SSX3: variants seen among roughly 807,000 people sequenced by gnomAD.
SSX3 encodes the protein SSX family member 3.
Under a neutral mutation model 14.8 loss-of-function variants are expected in SSX3, and 6 were observed. The observed-to-expected ratio is 0.41, with a 90% CI of 0.22 to 0.80. The LOEUF (loss-of-function observed/expected upper bound fraction) is 0.80. Among genes scored for constraint, SSX3 ranks in the 30% least tolerant of loss-of-function variants. The pLI is 0.34. For missense variants in SSX3, 163 were observed against 152.2 expected (o/e 1.07, Z -0.37); for synonymous variants, 55 against 52.9 (o/e 1.04, Z -0.18).
At position 48,349,535 on chromosome X, in the gene SSX3, C is replaced by G. The variant is rs371610051; in HGVS notation, c.466+452G>C. 23 of 1,208,217 alleles carry G rather than the reference C, an allele frequency of 1.9e-5. No homozygotes were observed. The Admixed American group carries it at 3.3e-4, about 17-fold the overall frequency. On this transcript the variant is annotated intron_variant, in intron 6 of 7. Coordinates refer to ENST00000298396, the MANE Select transcript of SSX3 (RefSeq NM_021014.4). ...GTCAAACAAAAAACAATGTGTGTGA[C>G]TCACTTTATTGCAGTGGTCTGGAAC...
chrX:48,351,757 C>T (rs782168546), intron 5 of SSX3, among the ~76,000 whole-genome samples: 26 of 112,098 alleles, frequency 2.3e-4, no homozygotes, highest in Non-Finnish European at 4.1e-4. Context: ...TCAGAGAACT[C>T]AGAAGATTTG....
intron 2 of SSX3, 128 bp from the exon 3 acceptor site, chrX:48,354,874 A>C: frequency 8.4e-7 from 1 of 1,196,700 alleles, no homozygotes; most frequent in Non-Finnish European, 1.1e-6. Context: ...TGCCACGGCT[A>C]ACTGACAGAA....
At chrX:48,348,739 A>C (rs1311829629) in intron 6 of SSX3, among the ~76,000 whole-genome samples, 1 of 112,669 alleles carries the variant, frequency 8.9e-6, no homozygotes, top group Non-Finnish European at 1.9e-5. Flanking sequence ...GAACACACGA[A>C]TAAGAAAGCA....
At chrX:48,354,315 C>G (rs1198055515) in intron 3 of SSX3, among the ~76,000 whole-genome samples, 8 of 106,364 alleles carry the variant, frequency 7.5e-5, no homozygotes, top group Non-Finnish European at 1.5e-4. Flanking sequence ...AGAGACAAGC[C>G]GAGAGAAGGT....
intron 6 of SSX3, among the ~76,000 whole-genome samples, chrX:48,348,782 G>C (rs2061249068): frequency 1.8e-5 from 2 of 112,549 alleles, no homozygotes; most frequent in African/African-American, 3.2e-5. Flanking sequence ...GAGAAAGTTT[G>C]AGTGGTCAGG....
intron 2 of SSX3, 189 bp from the exon 3 acceptor site, chrX:48,354,935 C>A (rs1354512924): frequency 1.3e-6 from 1 of 752,138 alleles, no homozygotes; most frequent in African/African-American, 2.3e-5. Flanking sequence ...GGCTTTAATG[C>A]TGCTGGCTGG....
chrX:48,351,246 C>G (rs1411759223), intron 5 of SSX3, among the ~76,000 whole-genome samples: 1 of 111,862 alleles, frequency 8.9e-6, no homozygotes, highest in African/African-American at 3.2e-5. Context: ...AACCCAACTC[C>G]CAGATCCCTT....
intron 5 of SSX3, among the ~76,000 whole-genome samples, chrX:48,350,732 G>A (rs1414992580): frequency 3.6e-5 from 4 of 110,285 alleles, no homozygotes; most frequent in Non-Finnish European, 5.7e-5. Context: ...GTTGCATTGG[G>A]ATGTGTACTG....
At chrX:48,349,867 C>T in intron 6 of SSX3, 120 bp downstream of exon 6, 1 of 1,159,538 alleles carries the variant, frequency 8.6e-7, no homozygotes, top group Non-Finnish European at 1.1e-6. Flanking sequence ...TGGAGCTGGG[C>T]AAGCTCCTCA....
rs782084019 is a variant in SSX3, at chrX:48,355,228, C to T, written c.22G>A (p.Ala8Thr). Residue 8 changes from alanine (A) to threonine (T), a missense_variant, in exon 2 of 8, where the codon GCA becomes ACA. Transcript: ENST00000298396. The stretch of plus-strand genomic sequence containing the variant: ...TGAGCACCAACCGTGGGTCTCCTTG[C>T]AAAGGTGTCATCTCCGTTCATGGCA... MNGDDTF[A>T]RRPTVGAQIP... 1 of 1,211,454 alleles carries T rather than the reference C, an allele frequency of 8.3e-7. No homozygotes were observed. Among genetic ancestry groups the T allele is most frequent in the South Asian group, 1.8e-5 (1 of 56,978 alleles).
chrX:48,348,094 A>G (rs1177921138), intron 6 of SSX3, among the ~76,000 whole-genome samples: 24 of 112,006 alleles, frequency 2.1e-4, no homozygotes, highest in African/African-American at 7.1e-4. Context: ...GTTTTAAAAT[A>G]ATTTTTGTTC....
intron 6 of SSX3, chrX:48,348,285 A>G: frequency 2.1e-6 from 1 of 487,219 alleles, no homozygotes; most frequent in Non-Finnish European, 3.7e-6. Flanking sequence ...CAATTAAGTT[A>G]TTATTGACTA....
At chrX:48,351,989 TG>T (rs1190297852) in intron 5 of SSX3, 110 bp downstream of exon 5, 16 of 973,212 alleles carry the variant, frequency 1.6e-5, no homozygotes, top group Middle Eastern at 5.4e-4. Flanking sequence ...GTGATAGACA[TG>T]GGGAGAAGAA....
Position 48,346,925 on chromosome X carries a change from T to C in SSX3, c.*115A>G. 1 of 1,157,829 alleles carries C rather than the reference T, an allele frequency of 8.6e-7. No individual in the cohort carries two copies. Among genetic ancestry groups the C allele is most frequent in the Non-Finnish European group, 1.2e-6 (1 of 859,391 alleles). On this transcript the variant is annotated 3_prime_UTR_variant, in exon 8 of 8. Coordinates refer to ENST00000298396, the MANE Select transcript of SSX3 (RefSeq NM_021014.4). ...CTCAACTTTTCACTGTTGTGAACAC[T>C]TGCTTTCACTTGCTATGCACCTGAT...
In SSX3 at chrX:48,355,168, T is replaced by C. The variant is rs2061281192; in HGVS notation, c.69+13A>G. The C allele has an allele frequency of 1.9e-5, 23 of 1,210,093 alleles. No individual in the cohort carries two copies. The highest frequency in any genetic ancestry group is 2.6e-5 in the Non-Finnish European group (23 of 893,972). ...CCCTGGGTCACTACTCTGCTCCCTC[T>C]AGGTCACCTCACCTTTTGTATCTTC... On this transcript the variant is annotated intron_variant, in intron 2 of 7. Transcript: ENST00000298396.
intron 5 of SSX3, among the ~76,000 whole-genome samples, chrX:48,350,993 T>C (rs2061260398): frequency 9.1e-6 from 1 of 109,756 alleles, no homozygotes; most frequent in Non-Finnish European, 1.9e-5. Context: ...ATGGTCTCGA[T>C]CTCCTGACCT....
At chrX:48,350,563 A>G (rs1251775188) in intron 5 of SSX3, among the ~76,000 whole-genome samples, 1 of 110,858 alleles carries the variant, frequency 9.0e-6, no homozygotes, top group African/African-American at 3.3e-5. Flanking sequence ...GCTGGGAAAG[A>G]TGGTGTGGGG....
At chrX:48,349,078 A>G (rs2061250433) in intron 6 of SSX3, among the ~76,000 whole-genome samples, 1 of 112,644 alleles carries the variant, frequency 8.9e-6, no homozygotes, top group African/African-American at 3.2e-5. Context: ...ACAGATTTTC[A>G]ATGTAGATAA....
chrX:48,355,387 G>C, intron 1 of SSX3, 118 bp from the exon 2 acceptor site: 1 of 681,633 alleles, frequency 1.5e-6, no homozygotes, highest in South Asian at 2.6e-5. Flanking sequence ...TTCTCCATCC[G>C]GGGCTTATCT....
Sources: gnomAD v4.1 joint callset for allele counts (sites outside exome capture counted in the v4.1 genomes callset) on GRCh38, gnomAD v4.1.1 for gene constraint, MANE v1.5 for transcripts, NCBI Gene and HGNC (gene_info 2026-07-23, HGNC 2026-07-21) for gene names.